Variants in ABCA7 observed in about 807,000 individuals in gnomAD.
ABCA7 encodes the protein ATP binding cassette subfamily A member 7.
In ABCA7, 261 loss-of-function variants were observed where a neutral mutation model predicts 227.6. That is an observed-to-expected ratio of 1.15 (90% CI 1.04 to 1.27). ABCA7 has a LOEUF of 1.27. Among genes scored for constraint, ABCA7 ranks in the 50% most tolerant of loss-of-function variants. The pLI is 0.00. For missense variants in ABCA7, 3,331 were observed against 2,924.5 expected, an observed-to-expected ratio of 1.14 and a Z score of -3.21; for synonymous variants, 1,488 against 1,279.7, an observed-to-expected ratio of 1.16 and a Z score of -3.47.
chr19:1,063,737 A>C (rs201934270), intron 43 of ABCA7, 23 bp from the exon 44 acceptor site: 14 of 1,549,426 alleles, frequency 9.0e-6, no homozygotes, highest in Non-Finnish European at 1.2e-5. Flanking sequence ...GGCCTTGCTT[A>C]TGGGATCTTC....
Position 1,051,501 on chromosome 19 carries a change from A to C in ABCA7, c.2877A>C (p.Gln959His). ...SVAIAFVGGS[Q>H]VVILDEPTAG... ...CCATTGCCTTTGTGGGCGGCTCCCA[A>C]GTTGTTATCCTGGACGAGCCTACGG... Residue 959 changes from glutamine to histidine, a missense_variant, in exon 21 of 47, where the codon CAA becomes CAC. Gln to His is a conservative substitution (Grantham distance 24). Transcript: ENST00000263094. 1 of 1,612,398 alleles carries C rather than the reference A, an allele frequency of 6.2e-7. No individual in the cohort carries two copies. Among genetic ancestry groups the C allele is most frequent in the Non-Finnish European group, 8.5e-7 (1 of 1,179,836 alleles).
intron 8 of ABCA7, 33 bp from the exon 9 acceptor site, chr19:1,043,301 G>C: frequency 6.2e-7 from 1 of 1,612,316 alleles, no homozygotes; most frequent in South Asian, 1.1e-5. Context: ...ACTCTGGGCA[G>C]GGGGGCAGGG....
intron 45 of ABCA7, among the ~76,000 whole-genome samples, chr19:1,064,455 AG>A (rs889222888): frequency 2.0e-5 from 3 of 151,822 alleles, no homozygotes; most frequent in Non-Finnish European, 4.4e-5. Context: ...AGGAGGCGTG[AG>A]CCGGGGGCTC....
chr19:1,054,699 G>A lies in ABCA7; in HGVS notation c.3851+5G>A. On this transcript the variant is annotated splice_donor_5th_base_variant and intron_variant, in intron 28 of 46. Transcript: ENST00000263094. The surrounding 1 kb of genome is among the most constrained non-coding windows in gnomAD (Gnocchi z 4.8). ...TGCTCAGGTGTCCTTCTTCAGGTGG[G>A]TGCAGAAGGAAGGGGCTGGTGGCAG... The A allele has an allele frequency of 1.2e-6, 2 of 1,611,406 alleles. No individual in the cohort carries two copies. The highest frequency in any genetic ancestry group is 1.7e-6 in the Non-Finnish European group (2 of 1,178,278).
chr19:1,060,845 A>G (rs1225124312), intron 40 of ABCA7, among the ~76,000 whole-genome samples: 1 of 151,960 alleles, frequency 6.6e-6, no homozygotes, highest in Non-Finnish European at 1.5e-5. Flanking sequence ...CTAAGCACCT[A>G]CTGTGTGCTG....
At position 1,048,958 on chromosome 19, in the gene ABCA7, G is replaced by A. The variant is rs999060047; in HGVS notation, c.2333G>A (p.Arg778Gln). 2 of 1,608,494 alleles carry A rather than the reference G, an allele frequency of 1.2e-6. No individual in the cohort carries two copies. Among genetic ancestry groups the A allele is most frequent in the Non-Finnish European group, 8.5e-7 (1 of 1,177,972 alleles). The change falls in exon 17 of 47, where the codon CGG becomes CAG. Residue 778 changes from arginine to glutamine, a missense_variant. Arg to Gln is a conservative substitution (Grantham distance 43). Transcript: ENST00000263094. ...CGGAGGAGCTACTGGTGCGGACCTC[G>A]GCCCCCCAAGAGTCCAGCCCCTTGC... ...PFRRSYWCGP[R>Q]PPKSPAPCPT... is the part of the protein sequence containing the mutation.
rs1030634619 is a variant in ABCA7 at position 1,047,579 on chromosome 19, C to T, written c.2194C>T (p.Gln732Ter). 10 of 1,603,396 alleles carry T rather than the reference C, an allele frequency of 6.2e-6. No individual in the cohort carries two copies. Among genetic ancestry groups the T allele is most frequent in the Middle Eastern group, 1.6e-4 (1 of 6,070 alleles). ...RPTADVFSLAQVSGLLLLDAA... is the reference protein window; with the variant it reads ...RPTADVFSLA Reference sequence around the variant, plus strand: ...TACGGCAGACGTCTTCAGCCTGGCCCAGGTCTCTGGCCTTCTGCTGCTGGA... The same window carrying T: ...TACGGCAGACGTCTTCAGCCTGGCCTAGGTCTCTGGCCTTCTGCTGCTGGA... The change falls in exon 16 of 47, where the codon CAG becomes TAG. Residue 732 changes from glutamine to a stop codon, truncating the protein, a stop_gained. Transcript: ENST00000263094. LOFTEE classifies it high-confidence loss of function.
chr19:1,057,259 G>C, intron 34 of ABCA7, 55 bp from the exon 35 acceptor site: 1 of 1,597,058 alleles, frequency 6.3e-7, no homozygotes, highest in Non-Finnish European at 8.6e-7. Context: ...CAGGGCTGAG[G>C]GTGGCAGTGC....
At position 1,053,402 on chromosome 19, in the gene ABCA7, G is replaced by A. The variant is rs947668738; in HGVS notation, c.3294G>A (p.Glu1098=). 3 of 1,607,618 alleles carry A rather than the reference G, an allele frequency of 1.9e-6. No homozygotes were observed. Among genetic ancestry groups the A allele is most frequent in the East Asian group, 2.2e-5 (1 of 44,766 alleles). Reference sequence around the variant, plus strand: ...GGCTGGTGGAGGAGCTGCCACACGAGCTGGTGCTGGTGCTGCCCTACACGG... The same window carrying A: ...GGCTGGTGGAGGAGCTGCCACACGAACTGGTGCTGGTGCTGCCCTACACGG... ...GARLVEELPH[E]LVLVLPYTGA... The change falls in exon 24 of 47, where the codon GAG becomes GAA. Residue 1098 remains glutamate (E), a synonymous_variant. Transcript: ENST00000263094.
rs1216886573 is a variant in ABCA7, at chr19:1,056,355, A to G, written c.4442A>G (p.His1481Arg). Residue 1481 changes from histidine to arginine, a missense_variant, in exon 33 of 47, where the codon CAC becomes CGC. His to Arg is a conservative substitution (Grantham distance 29, BLOSUM62 0). Transcript: ENST00000263094. This position sits in a 1 kb window ranked among gnomAD's most constrained non-coding sequence, Gnocchi z 4.3. ...LKIWFNNKGW[H>R]SMVAFVNRAS... ...ATCTGGTTCAACAACAAAGGCTGGC[A>G]CTCCATGGTGGCCTTTGTCAACCGA... 6.2e-7 allele frequency: 1 copy of G among 1,612,660 alleles called. No individual in the cohort carries two copies. The highest frequency in any genetic ancestry group is 1.3e-5 in the African/African-American group (1 of 74,658).
chr19:1,046,083 G>A, intron 12 of ABCA7, 147 bp from the exon 13 acceptor site: 1 of 893,114 alleles, frequency 1.1e-6, no homozygotes, highest in Middle Eastern at 2.5e-4. Context: ...ATCCCGGGAG[G>A]TCAAGGCTGC....
rs745846460 is a variant in ABCA7 at position 1,043,409 on chromosome 19, C to A, written c.866C>A (p.Pro289His). The A allele has an allele frequency of 6.8e-6, 11 of 1,613,448 alleles. No homozygotes were observed. Among genetic ancestry groups the A allele is most frequent in the Non-Finnish European group, 7.6e-6 (9 of 1,180,028 alleles). Reference sequence around the variant, plus strand: ...CGCCTGCTCTGGAGACGCCTGAAGCCTCTGATCCTCGGGAAGCTACTCTTT... The same window carrying A: ...CGCCTGCTCTGGAGACGCCTGAAGCATCTGATCCTCGGGAAGCTACTCTTT... Reference protein sequence around the residue: ...LSRLLWRRLKPLILGKLLFAP... With the variant: ...LSRLLWRRLKHLILGKLLFAP... The change falls in exon 9 of 47, where the codon CCT (proline) becomes CAT (histidine). Residue 289 changes from proline (P) to histidine (H), a missense_variant. Transcript: ENST00000263094.
rs1445090210 is a variant in ABCA7 at position 1,047,440 on chromosome 19, C to T, written c.2068-13C>T. ...CCGCTTCGGCCGCTCACTGACCGCC[C>T]GCTTTTCCGCAGAGCCTGCTGTCGC... On this transcript the variant is annotated splice_polypyrimidine_tract_variant and intron_variant, in intron 15 of 46. Transcript: ENST00000263094. The T allele has an allele frequency of 7.8e-6, 12 of 1,538,484 alleles. No individual in the cohort carries two copies. The highest frequency in any genetic ancestry group is 1.0e-5 in the Non-Finnish European group (12 of 1,144,854).
chr19:1,047,734 C>T (rs2040853909), intron 16 of ABCA7, 80 bp downstream of exon 16: 3 of 1,078,170 alleles, frequency 2.8e-6, no homozygotes, highest in East Asian at 4.3e-5. Flanking sequence ...GCCTCCAGGC[C>T]GTTTGGGGGT....
chr19:1,056,575 G>A lies in ABCA7; in HGVS notation c.4586+76G>A. On this transcript the variant is annotated intron_variant, in intron 33 of 46. Coordinates refer to ENST00000263094, the MANE Select transcript of ABCA7 (RefSeq NM_019112.4). The surrounding 1 kb of genome is among the most constrained non-coding windows in gnomAD (Gnocchi z 4.3). ...CATTTCTCTGTCGTTTGGGGTGGTG[G>A]GAGCTGGATTTGAACCCTGACACAC... The A allele has an allele frequency of 5.3e-6, 8 of 1,497,048 alleles. No individual in the cohort carries two copies. The highest frequency in any genetic ancestry group is 7.2e-6 in the Non-Finnish European group (8 of 1,111,430). The allele number at this position is 1,497,048 out of a possible 1,614,324, so 92.7% of individuals were successfully genotyped here.
In ABCA7 at chr19:1,058,814, C is replaced by A; in HGVS notation, c.5280-6C>A. ...TACTTTAAGCCCACAGATATTCTGT[C>A]CCCAGGCCCAGGGTGAGGTCTCTGC... On this transcript the variant is annotated splice_region_variant and splice_polypyrimidine_tract_variant and intron_variant, in intron 38 of 46. Coordinates refer to ENST00000263094, the MANE Select transcript of ABCA7 (RefSeq NM_019112.4). 1 of 1,584,888 alleles carries A rather than the reference C, an allele frequency of 6.3e-7. No homozygotes were observed. Among genetic ancestry groups the A allele is most frequent in the South Asian group, 1.1e-5 (1 of 88,418 alleles).
intron 10 of ABCA7, 64 bp from the exon 11 acceptor site, chr19:1,044,513 C>G (rs2040406344): frequency 6.4e-7 from 1 of 1,551,228 alleles, no homozygotes; most frequent in African/African-American, 1.4e-5. Context: ...TCCCAAAGTG[C>G]TGGGATTACA....
intron 16 of ABCA7, among the ~76,000 whole-genome samples, chr19:1,048,314 A>G (rs2040929379): frequency 6.7e-6 from 1 of 150,058 alleles, no homozygotes; most frequent in Non-Finnish European, 1.5e-5. Flanking sequence ...CCTGACCAAC[A>G]TGGAGAAACC....
In ABCA7 at chr19:1,042,822, A is replaced by C. The variant is rs757099593; in HGVS notation, c.575A>C (p.Gln192Pro). ...SLLEAAEDLA[Q>P]ELLALRSLVE... Reference sequence around the variant, plus strand: ...TTGGAGGCCGCTGAGGACCTGGCCCAGGAGGTACGAGGCCCCACTCATCCT... The same window carrying C: ...TTGGAGGCCGCTGAGGACCTGGCCCCGGAGGTACGAGGCCCCACTCATCCT... Residue 192 changes from glutamine (Q) to proline (P), a missense_variant, in exon 7 of 47, where the codon CAG becomes CCG. By Grantham distance (76) the Gln-to-Pro change is moderately conservative. Coordinates refer to ENST00000263094, the MANE Select transcript of ABCA7 (RefSeq NM_019112.4). The C allele has an allele frequency of 6.3e-7, 1 of 1,597,404 alleles. No homozygotes were observed. The highest frequency in any genetic ancestry group is 8.5e-7 in the Non-Finnish European group (1 of 1,173,116).
Sources: allele counts gnomAD v4.1 joint callset (sites outside exome capture counted in the v4.1 genomes callset), GRCh38; gene constraint gnomAD v4.1.1; non-coding constraint Gnocchi (gnomAD v3.1); transcripts MANE v1.5; gene names NCBI Gene and HGNC (gene_info 2026-07-23, HGNC 2026-07-21).